LITAF: variants seen among roughly 807,000 people sequenced by gnomAD.
LITAF encodes lipopolysaccharide induced TNF factor.
LITAF carries 9 observed loss-of-function variants against 14.5 expected under a neutral mutation model. That is an observed-to-expected ratio of 0.62 (90% confidence interval 0.37 to 1.08). The LOEUF (loss-of-function observed/expected upper bound fraction) is 1.08. Among genes scored for constraint, LITAF ranks in the 50% least tolerant of loss-of-function variants. The pLI is 0.01. For missense variants in LITAF, 206 were observed against 213.4 expected, an observed-to-expected ratio of 0.97 and a Z score of 0.22; for synonymous variants, 98 against 88.2, an observed-to-expected ratio of 1.11 and a Z score of -0.62.
At chr16:11,637,897 ACTATATATATATAT>A (rs1224990187), upstream of LITAF, among the ~76,000 whole-genome samples, 383 of 39,788 alleles carry the variant, frequency 9.6e-3, 75 homozygotes, top group African/African-American at 0.026. Flanking sequence ...AAAAAAAAAA[ACTATATATATATAT>A]ATCTATATCT....
chr16:11,557,074 G>GTTTTTTTT (rs112158406), intron 1 of LITAF, among the ~76,000 whole-genome samples: 3 of 149,200 alleles, frequency 2.0e-5, no homozygotes, highest in Admixed American at 6.7e-5. Context: ...GTTTTTTTTT[G>GTTTTTTTT]TTTGTTTTTT....
At position 11,548,135 on chromosome 16, in the gene LITAF, A is replaced by C. The variant is rs1455697096; in HGVS notation, c.*1502T>G. 2 of 454,034 alleles carry C rather than the reference A, an allele frequency of 4.4e-6. No homozygotes were observed. Among genetic ancestry groups the C allele is most frequent in the Non-Finnish European group, 8.8e-6 (2 of 226,806 alleles). The allele number at this position is 454,034 out of a possible 1,614,324, so 28.1% of individuals were successfully genotyped here. Reference sequence around the variant, plus strand: ...TGAAGGGGGATCAATGGTTACCACTATCGTTTTCAACCAATATACAGATGT... The same window carrying C: ...TGAAGGGGGATCAATGGTTACCACTCTCGTTTTCAACCAATATACAGATGT... On this transcript the variant is annotated 3_prime_UTR_variant, in exon 4 of 4. Transcript: ENST00000622633.
At chr16:11,566,735 G>A (rs1428647229) in intron 1 of LITAF, among the ~76,000 whole-genome samples, 2 of 151,960 alleles carry the variant, frequency 1.3e-5, no homozygotes, top group Admixed American at 6.6e-5. Flanking sequence ...TAGTGCCACT[G>A]CAATTCAGCC....
intron 3 of LITAF, among the ~76,000 whole-genome samples, chr16:11,621,178 C>A (rs952793981): frequency 2.6e-5 from 4 of 152,174 alleles, no homozygotes; most frequent in African/African-American, 9.7e-5. Context: ...GATTCTCCTG[C>A]CTTAGCCTCC....
At chr16:11,639,543 G>C (rs2065156117), upstream of LITAF, among the ~76,000 whole-genome samples, 1 of 151,964 alleles carries the variant, frequency 6.6e-6, no homozygotes, top group Admixed American at 6.6e-5. Flanking sequence ...GTATACATAG[G>C]TATTCCCCGT....
intron 3 of LITAF, among the ~76,000 whole-genome samples, chr16:11,624,438 G>A (rs1351380584): frequency 6.6e-6 from 1 of 152,172 alleles, no homozygotes; most frequent in Non-Finnish European, 1.5e-5. Context: ...GAGACTGTCA[G>A]CCTCACTAGA....
chr16:11,634,930 AG>A lies in LITAF; in HGVS notation c.-21+894del, dbSNP rs2065132224. 6.6e-6 allele frequency among the ~76,000 whole-genome samples: 1 copy of A among 152,144 alleles called. No individual in the cohort carries two copies. Among genetic ancestry groups the A allele is most frequent in the South Asian group, 2.1e-4 (1 of 4,832 alleles). Reference sequence around the variant, plus strand: ...GCACCTATAATCCCAGCTATTTGGGAGGCTGAGGCAGGAGAATCGATTGAAC... The same window carrying A: ...GCACCTATAATCCCAGCTATTTGGGAGCTGAGGCAGGAGAATCGATTGAAC... On this transcript the variant is annotated intron_variant, in intron 2 of 3. Coordinates refer to the LITAF transcript ENST00000574848. The surrounding 1 kb of genome is among the most constrained non-coding windows in gnomAD (Gnocchi z 4.1).
intron 1 of LITAF, among the ~76,000 whole-genome samples, chr16:11,583,233 G>C (rs2064765335): frequency 6.6e-6 from 1 of 152,196 alleles, no homozygotes; most frequent in Non-Finnish European, 1.5e-5. Context: ...TGTCCCACAA[G>C]TCAAAGATAA....
At position 11,623,817 on chromosome 16, in the gene LITAF, A is replaced by G. The variant is rs1047719422; in HGVS notation, c.85+9716T>C. On this transcript the variant is annotated intron_variant, in intron 3 of 3. Coordinates refer to the LITAF transcript ENST00000574848. ...CCCCGTCTCTACTAAAAATACAAAA[A>G]TTACCTGGGCATGGTGGCAGGCGCC... Among the ~76,000 whole-genome samples the G allele has an allele frequency of 7.9e-5, 12 of 151,574 alleles. No homozygotes were observed. The South Asian group carries it at 2.1e-3, about 26-fold the overall frequency.
chr16:11,573,606 A>C (rs1261046300), intron 1 of LITAF, among the ~76,000 whole-genome samples: 1 of 152,110 alleles, frequency 6.6e-6, no homozygotes, highest in Non-Finnish European at 1.5e-5. Flanking sequence ...ATTTGGAGAA[A>C]TGCAATCACC....
chr16:11,601,589 A>C (rs2064926599), upstream of LITAF, among the ~76,000 whole-genome samples: 1 of 151,328 alleles, frequency 6.6e-6, no homozygotes. Flanking sequence ...AACTTTTTTG[A>C]GACAGGGTCT....
At chr16:11,629,972 G>A (rs943667535) in intron 3 of LITAF, among the ~76,000 whole-genome samples, 1 of 152,216 alleles carries the variant, frequency 6.6e-6, no homozygotes, top group African/African-American at 2.4e-5. Flanking sequence ...TCAGTCGCCA[G>A]GTGTTGGGGA....
intron 3 of LITAF, among the ~76,000 whole-genome samples, chr16:11,630,481 C>T (rs958684049): frequency 1.3e-5 from 2 of 152,158 alleles, no homozygotes; most frequent in East Asian, 1.9e-4. Flanking sequence ...TCCTGTGCCC[C>T]GCCTGCTCCA....
At position 11,547,842 on chromosome 16, in the gene LITAF, C is replaced by A; in HGVS notation, c.*1795G>T. 1 of 454,120 alleles carries A rather than the reference C, an allele frequency of 2.2e-6. No individual in the cohort carries two copies. Among genetic ancestry groups the A allele is most frequent in the Non-Finnish European group, 4.4e-6 (1 of 226,800 alleles). The allele number at this position is 454,120 out of a possible 1,614,324, so 28.1% of individuals were successfully genotyped here. A position where few individuals can be genotyped will look rare whatever the true frequency, so the allele number is the denominator to read the frequency against. ...TCGTTAGCAAATCCACCCAACTCAA[C>A]ATCGGTCATCTTGACATTGCAGGAT... On this transcript the variant is annotated 3_prime_UTR_variant, in exon 4 of 4. Transcript: ENST00000622633.
At chr16:11,557,271 C>T (rs990241757) in intron 1 of LITAF, among the ~76,000 whole-genome samples, 3 of 147,276 alleles carry the variant, frequency 2.0e-5, no homozygotes, top group South Asian at 4.2e-4. Context: ...ATCCATGGAG[C>T]GGTTACTCTT....
At chr16:11,552,035 T>C (rs553683689) in intron 3 of LITAF, among the ~76,000 whole-genome samples, 2 of 152,124 alleles carry the variant, frequency 1.3e-5, no homozygotes, top group Admixed American at 6.6e-5. Context: ...CTTCCTTATT[T>C]AACACATGAC....
intron 3 of LITAF, among the ~76,000 whole-genome samples, chr16:11,611,666 C>CTTTTT (rs778921315): frequency 2.1e-5 from 3 of 142,680 alleles, no homozygotes; most frequent in African/African-American, 5.1e-5. Flanking sequence ...TTTTCTTTTT[C>CTTTTT]TTTTTTTTTT....
chr16:11,640,191 G>A (rs1030861796), upstream of LITAF, among the ~76,000 whole-genome samples: 1 of 152,224 alleles, frequency 6.6e-6, no homozygotes, highest in African/African-American at 2.4e-5. Flanking sequence ...GCAGGGCTGA[G>A]CACTGCATCC....
chr16:11,629,859 T>C (rs560170887), intron 3 of LITAF, among the ~76,000 whole-genome samples: 1 of 152,256 alleles, frequency 6.6e-6, no homozygotes, highest in East Asian at 1.9e-4. Context: ...TGGTAGGCGC[T>C]CTTCCCCCCA....
Sources: allele counts gnomAD v4.1 joint callset (sites outside exome capture counted in the v4.1 genomes callset), GRCh38; gene constraint gnomAD v4.1.1; non-coding constraint Gnocchi (gnomAD v3.1); transcripts MANE v1.5; gene names NCBI Gene and HGNC (gene_info 2026-07-23, HGNC 2026-07-21).